The following CAMSAP1 variants were observed in gnomAD, a reference collection of about 807,000 sequenced individuals.
CAMSAP1 encodes calmodulin regulated spectrin associated protein 1, also known as calmodulin-regulated spectrin-associated protein 1.
CAMSAP1 carries 58 observed loss-of-function variants against 143.5 expected under a neutral mutation model. The ratio of observed to expected loss-of-function variants is 0.40; its 90% CI spans 0.33 to 0.50. CAMSAP1 has a LOEUF of 0.50. Ranked by LOEUF, CAMSAP1 falls within the 20% of genes least tolerant of loss-of-function variation. The probability of loss-of-function intolerance (pLI) is 0.45; values close to 1 mark genes in which losing one functional copy is unlikely to be tolerated. For synonymous variants in CAMSAP1, 945 were observed against 859.3 expected, an observed-to-expected ratio of 1.10 and a Z score of -1.74; for missense variants, 1,969 against 2,115.7, an observed-to-expected ratio of 0.93 and a Z score of 1.36.
In CAMSAP1 at chr9:135,811,814, T is replaced by C. The variant is rs1321121886; in HGVS notation, c.4507-203A>G. ...CCATTGAGACTTTACTTAAGAAGTC[T>C]AAGCAAGCAAGGGGGAAAAGAATGC... On this transcript the variant is annotated intron_variant, in intron 16 of 16. Coordinates refer to ENST00000389532, the MANE Select transcript of CAMSAP1 (RefSeq NM_015447.4). The surrounding 1 kb of genome is among the most constrained non-coding windows in gnomAD (Gnocchi z 4.9). Among the ~76,000 whole-genome samples, 2 of 152,170 alleles carry C rather than the reference T, an allele frequency of 1.3e-5. No individual in the cohort carries two copies. The highest frequency in any genetic ancestry group is 2.9e-5 in the Non-Finnish European group (2 of 68,036).
intron 1 of CAMSAP1, among the ~76,000 whole-genome samples, chr9:135,902,476 G>C (rs957847937): frequency 6.6e-6 from 1 of 152,166 alleles, no homozygotes; most frequent in Non-Finnish European, 1.5e-5. Flanking sequence ...TTACACAGGA[G>C]GGCAAGTTCT....
intron 1 of CAMSAP1, among the ~76,000 whole-genome samples, chr9:135,906,218 T>C (rs1838772896): frequency 6.6e-6 from 1 of 152,206 alleles, no homozygotes; most frequent in Admixed American, 6.5e-5. Context: ...AGTCTTACTC[T>C]AAAAAGGGTA....
chr9:135,882,715 G>A lies in CAMSAP1; in HGVS notation c.423+101C>T, dbSNP rs769548680. On this transcript the variant is annotated intron_variant, in intron 2 of 16. Transcript: ENST00000389532. This position sits in a 1 kb window ranked among gnomAD's most constrained non-coding sequence, Gnocchi z 4.9. Reference sequence around the variant, plus strand: ...CAAAAGCACGGGTCTCCACCACCTCGCCGCACACCGTGTTCACACCATCCA... The same window carrying A: ...CAAAAGCACGGGTCTCCACCACCTCACCGCACACCGTGTTCACACCATCCA... 24 of 1,379,730 alleles carry A rather than the reference G, an allele frequency of 1.7e-5. No homozygotes were observed. Among genetic ancestry groups the A allele is most frequent in the Admixed American group, 4.8e-5 (2 of 41,838 alleles). The allele number at this position is 1,379,730 out of a possible 1,614,324, so 85.5% of individuals were successfully genotyped here.
intron 7 of CAMSAP1, chr9:135,836,627 G>A (rs1258058714): frequency 1.0e-6 from 1 of 977,102 alleles, no homozygotes; most frequent in Admixed American, 6.6e-5. Flanking sequence ...CTTCTACCCT[G>A]TTCTACAGAC....
At position 135,866,344 on chromosome 9, in the gene CAMSAP1, CT is replaced by C. The variant is rs1837378284; in HGVS notation, c.666+111del. Reference sequence around the variant, plus strand: ...GGTGAATCCAAGAGACTAGCTGCTTCTTTGGTGAGTAAAAATAGAGAATAAG... The same window carrying C: ...GGTGAATCCAAGAGACTAGCTGCTTCTTGGTGAGTAAAAATAGAGAATAAG... On this transcript the variant is annotated intron_variant, in intron 4 of 16. Transcript: ENST00000389532. 4 of 652,940 alleles carry C rather than the reference CT, an allele frequency of 6.1e-6. No individual in the cohort carries two copies. In the Admixed American group the frequency reaches 7.3e-5, roughly 12 times the overall value. 40.4% of individuals were successfully genotyped at this position (652,940 alleles called of 1,614,324 possible).
At chr9:135,814,240 G>A (rs1486829704) in intron 16 of CAMSAP1, among the ~76,000 whole-genome samples, 6 of 152,306 alleles carry the variant, frequency 3.9e-5, no homozygotes, top group East Asian at 1.9e-4. Context: ...GAACACATCC[G>A]TTTTAAAGTG....
Position 135,882,312 on chromosome 9 carries a change from G to A in CAMSAP1, c.423+504C>T, listed in dbSNP as rs888371391. On this transcript the variant is annotated intron_variant, in intron 2 of 16. Transcript: ENST00000389532. This position sits in a 1 kb window ranked among gnomAD's most constrained non-coding sequence, Gnocchi z 4.9. ...CGGCACCCGCAGTCTCACCGGGAAC[G>A]CCATGGGAGCAACCAAACAAAGGCA... Among the ~76,000 whole-genome samples, 2 of 152,116 alleles carry A rather than the reference G, an allele frequency of 1.3e-5. No individual in the cohort carries two copies. The highest frequency in any genetic ancestry group is 2.9e-5 in the Non-Finnish European group (2 of 68,018).
intron 1 of CAMSAP1, among the ~76,000 whole-genome samples, chr9:135,898,271 A>T (rs1054672107): frequency 6.6e-5 from 10 of 152,206 alleles, no homozygotes; most frequent in Non-Finnish European, 1.3e-4. Context: ...ATTTTAGAAG[A>T]AGTCATCATT....
chr9:135,848,876 A>G (rs1407992741), intron 7 of CAMSAP1, among the ~76,000 whole-genome samples: 1 of 152,228 alleles, frequency 6.6e-6, no homozygotes, highest in Non-Finnish European at 1.5e-5. Flanking sequence ...AGGGCAGGCA[A>G]CCCACAGGAC....
intron 1 of CAMSAP1, among the ~76,000 whole-genome samples, chr9:135,904,568 G>T (rs181028414): frequency 1.3e-4 from 20 of 152,130 alleles, no homozygotes; most frequent in East Asian, 1.2e-3. Context: ...CACTAGAATT[G>T]TAAGTATAAA....
At chr9:135,857,602 A>C (rs567148036) in intron 5 of CAMSAP1, among the ~76,000 whole-genome samples, 3 of 152,164 alleles carry the variant, frequency 2.0e-5, no homozygotes, top group Non-Finnish European at 4.4e-5. Context: ...CACCTGCACC[A>C]TCTCTGTTGA....
At position 135,822,527 on chromosome 9, in the gene CAMSAP1, C is replaced by T. The variant is rs200269235; in HGVS notation, c.2134G>A (p.Glu712Lys). 1.1e-4 allele frequency: 177 copies of T among 1,613,840 alleles called. 1 individual carries two copies. The South Asian group carries it at 1.7e-3, about 16-fold the overall frequency. Residue 712 changes from glutamate (E) to lysine (K), a missense_variant, in exon 11 of 17, where the codon GAG becomes AAG. Physicochemically the swap from Glu to Lys is moderately conservative, Grantham distance 56. Transcript: ENST00000389532. This position sits in a 1 kb window ranked among gnomAD's most constrained non-coding sequence, Gnocchi z 6.1. ...GAACAACTAACATATAACCTTCCCT[C>T]GGTGTCTTCATCGGCCCTGCCTACA... ...LHVGRADEDT[E>K]GRLYVSCSKS... is the part of the protein sequence containing the mutation.
intron 7 of CAMSAP1, among the ~76,000 whole-genome samples, chr9:135,830,817 T>A (rs1369587234): frequency 6.6e-6 from 1 of 152,176 alleles, no homozygotes; most frequent in Non-Finnish European, 1.5e-5. Flanking sequence ...CTTAAAATAT[T>A]TAAGATCAAA....
chr9:135,867,825 C>G (rs1369870571), intron 3 of CAMSAP1, among the ~76,000 whole-genome samples: 1 of 152,190 alleles, frequency 6.6e-6, no homozygotes, highest in Non-Finnish European at 1.5e-5. Flanking sequence ...CAAGGGAAAC[C>G]TACACAGAGC....
intron 7 of CAMSAP1, chr9:135,836,351 C>A (rs1836037414): frequency 3.0e-6 from 3 of 984,214 alleles, no homozygotes; most frequent in Non-Finnish European, 3.6e-6. Flanking sequence ...TCCGCAGCCA[C>A]ACATCACCAC....
At chr9:135,884,118 G>A (rs995968046) in intron 1 of CAMSAP1, among the ~76,000 whole-genome samples, 4 of 152,076 alleles carry the variant, frequency 2.6e-5, no homozygotes, top group Non-Finnish European at 5.9e-5. Context: ...AATGTGCCCC[G>A]CGCCCAACAC....
chr9:135,892,847 T>TCAAAAAAAAAAAAAAAAAAAA (rs1838327025), intron 1 of CAMSAP1, among the ~76,000 whole-genome samples: 1 of 7,886 alleles, frequency 1.3e-4, no homozygotes, highest in Non-Finnish European at 2.3e-4. Context: ...CAAGACTGTC[T>TCAAAAAAAAAAAAAAAAAAAA]CAAAAAAAAA....
Position 135,824,900 on chromosome 9 carries a change from C to T in CAMSAP1, c.1224-20G>A. The T allele has an allele frequency of 6.5e-7, 1 of 1,547,838 alleles. No individual in the cohort carries two copies. The highest frequency in any genetic ancestry group is 1.2e-5 in the South Asian group (1 of 84,000). On this transcript the variant is annotated intron_variant, in intron 8 of 16. Transcript: ENST00000389532. The surrounding 1 kb of genome is among the most constrained non-coding windows in gnomAD (Gnocchi z 4.1). ...TTCCCGCTAAATGGAAAAAGAATTA[C>T]AGGGAAAATCATTCCTTTATCAAAC...
intron 1 of CAMSAP1, among the ~76,000 whole-genome samples, chr9:135,893,249 GAAGGA>G (rs1838342867): frequency 6.7e-6 from 1 of 149,410 alleles, no homozygotes; most frequent in African/African-American, 2.5e-5. Context: ...AGAGAGACGA[GAAGGA>G]GAGAGATGAA....
Sources: allele counts gnomAD v4.1 joint callset (sites outside exome capture counted in the v4.1 genomes callset), GRCh38; gene constraint gnomAD v4.1.1; non-coding constraint Gnocchi (gnomAD v3.1); transcripts MANE v1.5; gene names NCBI Gene and HGNC (gene_info 2026-07-23, HGNC 2026-07-21).